Variants in CCDC171 observed in about 807,000 individuals in gnomAD.
CCDC171 encodes coiled-coil domain containing 171.
A neutral mutation model predicts 168.2 loss-of-function variants in CCDC171; 177 were observed. That is an observed-to-expected ratio of 1.05 (90% confidence interval 0.93 to 1.19). CCDC171 has a LOEUF of 1.19. CCDC171 is among the 50% of genes most tolerant of loss of function. CCDC171 has a pLI of 0.00. For synonymous variants in CCDC171, 687 were observed against 540.8 expected (o/e 1.27, Z -3.75); for missense variants, 1,991 against 1,539.0 (o/e 1.29, Z -4.91).
chr9:15,583,771 T>C (rs1238116356), intron 4 of CCDC171, among the ~76,000 whole-genome samples: 5 of 151,894 alleles, frequency 3.3e-5, no homozygotes, highest in Non-Finnish European at 7.4e-5. Flanking sequence ...CCCCAAACTA[T>C]TGAAATAAAA....
At chr9:16,059,600 C>G (rs1275319382) in intron 1 of CCDC171, among the ~76,000 whole-genome samples, 1 of 145,558 alleles carries the variant, frequency 6.9e-6, no homozygotes, top group African/African-American at 2.6e-5. Context: ...CTGCAAGCTC[C>G]GCTTCCCAGG....
intron 21 of CCDC171, among the ~76,000 whole-genome samples, chr9:15,813,492 TA>T (rs1684254225): frequency 6.6e-6 from 1 of 152,186 alleles, no homozygotes; most frequent in Non-Finnish European, 1.5e-5. Flanking sequence ...AATATAAGGG[TA>T]AAGCTCCCTT....
intron 2 of CCDC171, among the ~76,000 whole-genome samples, chr9:15,570,879 T>C (rs2040170737): frequency 2.0e-5 from 3 of 152,236 alleles, no homozygotes; most frequent in Admixed American, 2.0e-4. Context: ...CCGTCTGTTT[T>C]ATCCTCTCCA....
chr9:15,690,812 GAT>G (rs2050727264), intron 10 of CCDC171, among the ~76,000 whole-genome samples: 1 of 151,960 alleles, frequency 6.6e-6, no homozygotes, highest in African/African-American at 2.4e-5. Flanking sequence ...AGAAATGAAT[GAT>G]ATAATATAAA....
At chr9:16,100,190 C>T in the CCDC171 span, among the ~76,000 whole-genome samples, 3 of 152,096 alleles carry the variant, frequency 2.0e-5, no homozygotes, top group Non-Finnish European at 4.4e-5. Context: ...TCAGCCCCAT[C>T]TTATTGAACT....
intron 4 of CCDC171, 39 bp downstream of exon 4, chr9:15,579,062 A>G: frequency 6.5e-7 from 1 of 1,536,322 alleles, no homozygotes; most frequent in Non-Finnish European, 9.0e-7. Context: ...TTAGGGTTGT[A>G]ACCTGATTGT....
chr9:15,953,004 G>A (rs1829384506), intron 25 of CCDC171, among the ~76,000 whole-genome samples: 1 of 152,170 alleles, frequency 6.6e-6, no homozygotes, highest in South Asian at 2.1e-4. Context: ...GTATGGAAAT[G>A]TAACTGATTT....
At chr9:15,970,348 A>G (rs1203770252) in intron 25 of CCDC171, among the ~76,000 whole-genome samples, 1 of 152,120 alleles carries the variant, frequency 6.6e-6, no homozygotes, top group Non-Finnish European at 1.5e-5. Context: ...CACACCTTAT[A>G]GTTTACATTA....
upstream of CCDC171, among the ~76,000 whole-genome samples, chr9:16,039,375 T>G (rs555549107): frequency 1.8e-4 from 27 of 152,196 alleles, no homozygotes; most frequent in South Asian, 5.6e-3. Context: ...TCCTTCTGCG[T>G]TTTAAGTTAG....
chr9:16,044,560 A>G (rs1312756834), intron 1 of CCDC171, among the ~76,000 whole-genome samples: 1 of 147,134 alleles, frequency 6.8e-6, no homozygotes, highest in Non-Finnish European at 1.5e-5. Context: ...TTCTTTGAGT[A>G]TGTTGTGGAA....
chr9:15,799,135 C>CACATATATATATATAT (rs1554820188), intron 21 of CCDC171, among the ~76,000 whole-genome samples: 1 of 109,024 alleles, frequency 9.2e-6, no homozygotes, highest in Non-Finnish European at 1.8e-5. Context: ...TCATCATTGC[C>CACATATATATATATAT]ATATATATAT....
intron 3 of CCDC171, among the ~76,000 whole-genome samples, chr9:16,013,074 G>C (rs2987086): frequency 0.57 from 85,867 of 151,950 alleles, 24,478 homozygotes; most frequent in East Asian, 0.66. Context: ...CACTCAAAAT[G>C]TCCCCAACTC....
chr9:15,695,387 C>T (rs1195356543), intron 11 of CCDC171, 50 bp downstream of exon 11: 1 of 1,406,624 alleles, frequency 7.1e-7, no homozygotes, highest in East Asian at 2.3e-5. Context: ...GTTCCAAAGT[C>T]ACTACATTTT....
At chr9:15,689,570 G>T (rs1270218947) in intron 10 of CCDC171, among the ~76,000 whole-genome samples, 2 of 152,098 alleles carry the variant, frequency 1.3e-5, no homozygotes, top group African/African-American at 4.8e-5. Flanking sequence ...AATTTGCCAG[G>T]TGTGATGGCG....
chr9:16,039,257 G>A (rs7045229), upstream of CCDC171, among the ~76,000 whole-genome samples: 2,067 of 152,298 alleles, frequency 0.014, 48 homozygotes, highest in African/African-American at 0.046. Flanking sequence ...GCTGTCACCT[G>A]TGCAGGACTC....
intron 6 of CCDC171, among the ~76,000 whole-genome samples, chr9:15,608,176 G>T (rs7865541): frequency 1.3e-5 from 2 of 152,126 alleles, no homozygotes; most frequent in African/African-American, 2.4e-5. Flanking sequence ...CCATTCACAA[G>T]GGCAGAGCTG....
chr9:15,596,143 G>A (rs1387218085), intron 6 of CCDC171, among the ~76,000 whole-genome samples: 2 of 152,254 alleles, frequency 1.3e-5, no homozygotes, highest in Non-Finnish European at 2.9e-5. Context: ...GAGCTCTTTA[G>A]TTTAATTAGA....
intron 25 of CCDC171, among the ~76,000 whole-genome samples, chr9:15,950,321 G>A (rs1279507018): frequency 6.6e-6 from 1 of 152,058 alleles, no homozygotes; most frequent in African/African-American, 2.4e-5. Flanking sequence ...ACACATAATT[G>A]TCTGATTCAC....
intron 11 of CCDC171, among the ~76,000 whole-genome samples, chr9:15,711,759 T>A (rs1228061052): frequency 6.6e-6 from 1 of 152,216 alleles, no homozygotes; most frequent in African/African-American, 2.4e-5. Flanking sequence ...TTTGGCACTA[T>A]TGTAAAGTTG....
Sources: gnomAD v4.1 joint callset for allele counts (sites outside exome capture counted in the v4.1 genomes callset) on GRCh38, gnomAD v4.1.1 for gene constraint, MANE v1.5 for transcripts, NCBI Gene and HGNC (gene_info 2026-07-23, HGNC 2026-07-21) for gene names.